The following CACNA2D3 variants were observed in gnomAD, a reference collection of about 807,000 sequenced individuals.
CACNA2D3 encodes calcium voltage-gated channel auxiliary subunit alpha2delta 3.
Under a neutral mutation model 160.6 loss-of-function variants are expected in CACNA2D3, and 60 were observed. That is an observed-to-expected ratio of 0.37 (90% CI 0.30 to 0.46). CACNA2D3 has a LOEUF of 0.46. Among genes scored for constraint, CACNA2D3 ranks in the 20% least tolerant of loss-of-function variants. The pLI, the probability that CACNA2D3 is intolerant of heterozygous loss-of-function variation, is 1.00. For synonymous variants in CACNA2D3, 558 were observed against 492.9 expected, an observed-to-expected ratio of 1.13 and a Z score of -1.75; for missense variants, 1,205 against 1,365.0, an observed-to-expected ratio of 0.88 and a Z score of 1.85.
At chr3:54,561,055 T>C (rs926065282) in intron 5 of CACNA2D3, among the ~76,000 whole-genome samples, 2 of 152,360 alleles carry the variant, frequency 1.3e-5, no homozygotes, top group East Asian at 1.9e-4. Flanking sequence ...GCCTTGGCTA[T>C]TCAGGCTCTT....
chr3:54,449,923 T>C (rs1168552174), intron 4 of CACNA2D3, among the ~76,000 whole-genome samples: 1 of 152,226 alleles, frequency 6.6e-6, no homozygotes, highest in Non-Finnish European at 1.5e-5. Flanking sequence ...AATAAATATA[T>C]GTCCACAATC....
intron 3 of CACNA2D3, among the ~76,000 whole-genome samples, chr3:54,351,395 C>T (rs1698563026): frequency 6.6e-6 from 1 of 152,010 alleles, no homozygotes; most frequent in Non-Finnish European, 1.5e-5. Context: ...TGTGTTGTGA[C>T]TTGGGAAGTC....
chr3:54,182,314 C>T (rs901467483), intron 2 of CACNA2D3, among the ~76,000 whole-genome samples: 2 of 152,114 alleles, frequency 1.3e-5, no homozygotes, highest in Non-Finnish European at 2.9e-5. Flanking sequence ...CCAATTTTAG[C>T]TTTTTGTCTC....
intron 2 of CACNA2D3, among the ~76,000 whole-genome samples, chr3:54,318,483 C>G (rs1703917825): frequency 6.6e-6 from 1 of 152,070 alleles, no homozygotes; most frequent in African/African-American, 2.4e-5. Context: ...CAATCTTGGT[C>G]TAGACTCACA....
At chr3:54,716,289 T>C (rs962671837) in intron 11 of CACNA2D3, among the ~76,000 whole-genome samples, 16 of 152,066 alleles carry the variant, frequency 1.1e-4, no homozygotes, top group African/African-American at 3.6e-4. Context: ...AGGTTGAGGA[T>C]ACACCCAGGA....
At chr3:54,587,338 C>G (rs1038970277) in intron 9 of CACNA2D3, among the ~76,000 whole-genome samples, 1 of 152,096 alleles carries the variant, frequency 6.6e-6, no homozygotes, top group African/African-American at 2.4e-5. Context: ...AGATGGATCA[C>G]CTGAGGTCAG....
At chr3:54,987,942 C>T (rs963933257) in intron 31 of CACNA2D3, among the ~76,000 whole-genome samples, 189 bp downstream of exon 31, 1 of 152,172 alleles carries the variant, frequency 6.6e-6, no homozygotes, top group Non-Finnish European at 1.5e-5. Context: ...GTCTTAGAAA[C>T]TCAGTTCACA....
intron 35 of CACNA2D3, among the ~76,000 whole-genome samples, chr3:55,018,890 A>G (rs762064683): frequency 4.8e-5 from 7 of 146,124 alleles, no homozygotes; most frequent in South Asian, 4.4e-4. Flanking sequence ...TTTCTTTACA[A>G]TCGTATGCAT....
At chr3:54,146,756 C>T (rs931056385) in intron 2 of CACNA2D3, among the ~76,000 whole-genome samples, 2 of 152,216 alleles carry the variant, frequency 1.3e-5, no homozygotes, top group Admixed American at 6.5e-5. Flanking sequence ...GGGGTGTCAC[C>T]GTTAGGGCCC....
intron 17 of CACNA2D3, among the ~76,000 whole-genome samples, chr3:54,850,631 G>A (rs1027659820): frequency 2.6e-5 from 4 of 152,196 alleles, no homozygotes; most frequent in African/African-American, 9.7e-5. Context: ...CCCCCAAGGA[G>A]GAGGTCTGGA....
intron 4 of CACNA2D3, among the ~76,000 whole-genome samples, chr3:54,389,923 G>A (rs1307690258): frequency 6.6e-6 from 1 of 152,212 alleles, no homozygotes; most frequent in Admixed American, 6.5e-5. Flanking sequence ...ATGTTGGATT[G>A]TTGGATCTTC....
At chr3:54,563,136 G>T (rs1035416292) in intron 6 of CACNA2D3, among the ~76,000 whole-genome samples, 2 of 152,130 alleles carry the variant, frequency 1.3e-5, no homozygotes, top group Admixed American at 1.3e-4. Flanking sequence ...CATGATCACA[G>T]GAATTCTCTG....
At chr3:54,911,821 G>T (rs1700562305) in intron 27 of CACNA2D3, among the ~76,000 whole-genome samples, 1 of 152,104 alleles carries the variant, frequency 6.6e-6, no homozygotes, top group Admixed American at 6.5e-5. Flanking sequence ...ACTTTACTCA[G>T]AGCTAAAAGC....
At position 54,582,866 on chromosome 3, in the gene CACNA2D3, C is replaced by A. The variant is rs6772939; in HGVS notation, c.963+989C>A. 2.3e-3 allele frequency among the ~76,000 whole-genome samples: 348 copies of A among 152,316 alleles called. 1 individual carries two copies. Among genetic ancestry groups the A allele is most frequent in the African/African-American group, 7.8e-3 (325 of 41,562 alleles). On this transcript the variant is annotated intron_variant, in intron 9 of 37. Transcript: ENST00000474759. The stretch of plus-strand genomic sequence containing the variant: ...GAGCAACAGAGGATTGGGAGAAATT[C>A]ATTCCAGTTGGAACACAAAGTATAA...
intron 11 of CACNA2D3, among the ~76,000 whole-genome samples, chr3:54,724,443 A>G (rs1341198257): frequency 6.6e-6 from 1 of 152,198 alleles, no homozygotes; most frequent in Admixed American, 6.5e-5. Flanking sequence ...AGAACTCTCC[A>G]TCCCAAATAA....
chr3:54,626,700 A>G (rs56012825), intron 9 of CACNA2D3: 11,917 of 740,294 alleles, frequency 0.016, 207 homozygotes, highest in Non-Finnish European at 0.022. Flanking sequence ...AAAAAAAAAA[A>G]AAAAAAAAAG....
intron 9 of CACNA2D3, among the ~76,000 whole-genome samples, chr3:54,605,946 C>A (rs1698599621): frequency 6.6e-6 from 1 of 152,166 alleles, no homozygotes; most frequent in Non-Finnish European, 1.5e-5. Context: ...GATTATGGTG[C>A]AGACTCCTTT....
chr3:54,677,109 A>G (rs560377), intron 11 of CACNA2D3, among the ~76,000 whole-genome samples: 152,024 of 152,372 alleles, frequency 1, 75,839 homozygotes, highest in East Asian at 1. Context: ...CCCTGGAATA[A>G]AACTTACATG....
At position 55,024,111 on chromosome 3, in the gene CACNA2D3, T is replaced by G. The variant is rs114792248; in HGVS notation, c.2987+5794T>G. Among the ~76,000 whole-genome samples, 470 of 133,902 alleles carry G rather than the reference T, an allele frequency of 3.5e-3. 5 individuals are homozygous for G. Among genetic ancestry groups the G allele is most frequent in the African/African-American group, 0.013 (439 of 34,844 alleles). 87.8% of individuals were successfully genotyped at this position (133,902 alleles called of 152,430 possible). On this transcript the variant is annotated intron_variant, in intron 35 of 37. Coordinates refer to ENST00000474759, the MANE Select transcript of CACNA2D3 (RefSeq NM_018398.3). ...TCCACCACAAGAAAGTACTGAAGTG[T>G]ACGGTTCATGCAGGAGCCTTGGAAG...
Sources: allele counts gnomAD v4.1 joint callset (sites outside exome capture counted in the v4.1 genomes callset), GRCh38; gene constraint gnomAD v4.1.1; transcripts MANE v1.5; gene names NCBI Gene and HGNC (gene_info 2026-07-23, HGNC 2026-07-21).